Variants in LINGO2 observed in about 807,000 individuals in gnomAD.
LINGO2 encodes the protein leucine-rich repeat and immunoglobulin-like domain-containing nogo receptor-interacting protein 2.
In LINGO2, 14 loss-of-function variants were observed where a neutral mutation model predicts 30.6. That is an observed-to-expected ratio of 0.46 (90% CI 0.30 to 0.72). The LOEUF (loss-of-function observed/expected upper bound fraction) is 0.72. Among genes scored for constraint, LINGO2 ranks in the 30% least tolerant of loss-of-function variants. LINGO2 has a pLI of 0.07. For synonymous variants in LINGO2, 317 were observed against 288.5 expected (o/e 1.10, Z -1.00); for missense variants, 729 against 751.7 (o/e 0.97, Z 0.35).
At chr9:28,069,574 G>C (rs948311874) in intron 4 of LINGO2, among the ~76,000 whole-genome samples, 1 of 152,158 alleles carries the variant, frequency 6.6e-6, no homozygotes, top group Non-Finnish European at 1.5e-5. Context: ...TGCAGGTTTT[G>C]ATATTCCTTC....
the LINGO2 span, among the ~76,000 whole-genome samples, chr9:28,848,415 A>G: frequency 7.5e-6 from 1 of 133,380 alleles, no homozygotes; most frequent in Admixed American, 8.1e-5. Flanking sequence ...ATATATATAT[A>G]TATATATATA....
intron 4 of LINGO2, among the ~76,000 whole-genome samples, chr9:28,250,097 A>G (rs952047275): frequency 2.0e-5 from 3 of 152,180 alleles, no homozygotes; most frequent in African/African-American, 7.2e-5. Context: ...AAAAGTGAAT[A>G]AAACAGTCCC....
At chr9:28,005,224 T>TC (rs1375846160) in intron 5 of LINGO2, among the ~76,000 whole-genome samples, 1 of 152,198 alleles carries the variant, frequency 6.6e-6, no homozygotes, top group Non-Finnish European at 1.5e-5. Flanking sequence ...AGCCAAATAA[T>TC]CATGTCAGGC....
At chr9:28,269,642 A>C (rs1037610688) in intron 4 of LINGO2, among the ~76,000 whole-genome samples, 5 of 151,782 alleles carry the variant, frequency 3.3e-5, no homozygotes, top group African/African-American at 1.2e-4. Flanking sequence ...ATGGCTTTTG[A>C]ATCAATAATT....
chr9:28,968,369 A>G, the LINGO2 span, among the ~76,000 whole-genome samples: 1 of 152,162 alleles, frequency 6.6e-6, no homozygotes, highest in African/African-American at 2.4e-5. Flanking sequence ...TAGGAGATGA[A>G]GAATCACAGT....
At chr9:29,145,564 C>T in the LINGO2 span, among the ~76,000 whole-genome samples, 4 of 150,644 alleles carry the variant, frequency 2.7e-5, no homozygotes, top group African/African-American at 9.7e-5. Flanking sequence ...AGTTATCTGT[C>T]TCTGTACAAT....
the LINGO2 span, among the ~76,000 whole-genome samples, chr9:28,793,015 C>G: frequency 7.9e-5 from 12 of 152,036 alleles, no homozygotes; most frequent in Non-Finnish European, 1.5e-4. Flanking sequence ...ATCCAGATAA[C>G]CAGTACTAAA....
At chr9:28,808,052 C>T in the LINGO2 span, among the ~76,000 whole-genome samples, 1 of 152,260 alleles carries the variant, frequency 6.6e-6, no homozygotes, top group East Asian at 1.9e-4. Context: ...ATCATAATGA[C>T]TAAAACAGTG....
At chr9:28,791,990 G>C in the LINGO2 span, among the ~76,000 whole-genome samples, 2 of 151,008 alleles carry the variant, frequency 1.3e-5, no homozygotes, top group Non-Finnish European at 3.0e-5. Context: ...ATACACTTGT[G>C]TATACAGTGG....
At chr9:27,957,008 T>C (rs1375586703) in intron 5 of LINGO2, among the ~76,000 whole-genome samples, 1 of 152,150 alleles carries the variant, frequency 6.6e-6, no homozygotes, top group African/African-American at 2.4e-5. Context: ...GGTGGGAGAA[T>C]TGCTTGAGCT....
chr9:28,091,987 C>A (rs896261036), intron 4 of LINGO2, among the ~76,000 whole-genome samples: 1 of 152,122 alleles, frequency 6.6e-6, no homozygotes, highest in Non-Finnish European at 1.5e-5. Context: ...AAATCAAAGG[C>A]ACAATGAGAT....
In LINGO2 at chr9:28,372,557, CAAG is replaced by C. The variant is rs376456009; in HGVS notation, c.-246+276_-246+278del. ...CAAAGGGTACAAAATTTCAGTTAGA[CAAG>C]AAGAATAGGCTTTTTTTCTTGTTAG... On this transcript the variant is annotated intron_variant, in intron 3 of 5. Coordinates refer to ENST00000379992, the Ensembl canonical transcript of LINGO2. Among the ~76,000 whole-genome samples, 28 of 152,120 alleles carry C rather than the reference CAAG, an allele frequency of 1.8e-4. No individual in the cohort carries two copies. The East Asian group carries it at 5.4e-3, about 29-fold the overall frequency.
the LINGO2 span, among the ~76,000 whole-genome samples, chr9:28,743,259 C>A: frequency 6.6e-6 from 1 of 151,920 alleles, no homozygotes; most frequent in African/African-American, 2.4e-5. Context: ...TAGGTATACA[C>A]GTGCCGTGGT....
chr9:28,226,631 G>GAA (rs1462370427), intron 4 of LINGO2, among the ~76,000 whole-genome samples: 2 of 61,614 alleles, frequency 3.2e-5, no homozygotes, highest in African/African-American at 1.3e-4. Context: ...AAGAAGGAAA[G>GAA]AAGGAAAGAA....
Position 28,578,859 on chromosome 9 carries a change from G to A in LINGO2, c.-365+91341C>T, listed in dbSNP as rs138683472. On this transcript the variant is annotated intron_variant, in intron 1 of 5. Coordinates refer to ENST00000379992, the Ensembl canonical transcript of LINGO2. ...ATTCATGGTTGGTTTAAATGCAGAT[G>A]TAGCCTGTTCTTGAAAGTTAGTAAA... 2.0e-3 allele frequency among the ~76,000 whole-genome samples: 299 copies of A among 152,226 alleles called. 2 individuals carry two copies. The highest frequency in any genetic ancestry group is 6.9e-3 in the African/African-American group (288 of 41,564).
the LINGO2 span, among the ~76,000 whole-genome samples, chr9:29,081,378 A>T: frequency 6.6e-6 from 1 of 152,174 alleles, no homozygotes; most frequent in Non-Finnish European, 1.5e-5. Context: ...AAAAAATTCA[A>T]CAGCCCTTCA....
intron 5 of LINGO2, among the ~76,000 whole-genome samples, chr9:27,984,062 A>C (rs141129609): frequency 0.011 from 1,641 of 151,992 alleles, 30 homozygotes; most frequent in African/African-American, 0.037. Context: ...AAGGCAGCTT[A>C]TACTGTGTGG....
chr9:29,021,677 AAAGAAAGGAAGGAAGGAAGGAAGGAAGG>A, the LINGO2 span, among the ~76,000 whole-genome samples: 3 of 117,070 alleles, frequency 2.6e-5, no homozygotes, highest in Admixed American at 9.1e-5. Context: ...AGAAGAAAGA[AAAGAAAGGAAGGAAGGAAGGAAGGAAGG>A]AAGGAAGGAA....
the LINGO2 span, among the ~76,000 whole-genome samples, chr9:29,054,653 G>C: frequency 1.3e-5 from 2 of 152,058 alleles, no homozygotes; most frequent in South Asian, 2.1e-4. Context: ...TCCTGGGTTA[G>C]AAAAGTGAGG....
Sources: allele counts gnomAD v4.1 joint callset (sites outside exome capture counted in the v4.1 genomes callset), GRCh38; gene constraint gnomAD v4.1.1; transcripts MANE v1.5; gene names NCBI Gene and HGNC (gene_info 2026-07-23, HGNC 2026-07-21).